Variants in TNS3 observed in about 807,000 individuals in gnomAD.
The protein encoded by TNS3 is tensin 3.
A neutral mutation model predicts 140.9 loss-of-function variants in TNS3; 45 were observed. The observed-to-expected ratio is 0.32, with a 90% CI of 0.25 to 0.41. The LOEUF is 0.41. Among genes scored for constraint, TNS3 ranks in the 10% least tolerant of loss-of-function variants. The probability of loss-of-function intolerance (pLI) is 1.00; values close to 1 mark genes in which losing one functional copy is unlikely to be tolerated. For synonymous variants in TNS3, 815 were observed against 788.4 expected (o/e 1.03, Z -0.56); for missense variants, 1,716 against 1,906.7 (o/e 0.90, Z 1.86).
chr7:47,502,520 G>A (rs962625354), intron 3 of TNS3, among the ~76,000 whole-genome samples: 9 of 152,214 alleles, frequency 5.9e-5, no homozygotes, highest in African/African-American at 2.2e-4. Flanking sequence ...TGCATCAGCC[G>A]CAGCCAGGAC....
intron 17 of TNS3, among the ~76,000 whole-genome samples, chr7:47,359,630 C>T (rs1005108437): frequency 6.6e-6 from 1 of 152,010 alleles, no homozygotes; most frequent in Non-Finnish European, 1.5e-5. Context: ...TACTGTGGGC[C>T]GGACCAAAGA....
At chr7:47,304,236 A>T (rs974199582) in intron 21 of TNS3, among the ~76,000 whole-genome samples, 3 of 152,182 alleles carry the variant, frequency 2.0e-5, no homozygotes, top group African/African-American at 7.2e-5. Flanking sequence ...GAAATTACCA[A>T]CCACTTACGA....
chr7:47,549,541 C>T (rs1800007380), intron 1 of TNS3, among the ~76,000 whole-genome samples: 1 of 152,072 alleles, frequency 6.6e-6, no homozygotes, highest in Admixed American at 6.5e-5. Context: ...GTGATCTAGC[C>T]CCTGCCTGTC....
intron 1 of TNS3, among the ~76,000 whole-genome samples, chr7:47,549,539 GC>G (rs1411521016): frequency 6.6e-6 from 1 of 152,036 alleles, no homozygotes; most frequent in African/African-American, 2.4e-5. Flanking sequence ...ATGTGATCTA[GC>G]CCCTGCCTGT....
intron 2 of TNS3, among the ~76,000 whole-genome samples, chr7:47,522,667 G>A (rs1364938841): frequency 2.0e-5 from 3 of 152,184 alleles, no homozygotes; most frequent in Non-Finnish European, 4.4e-5. Context: ...GGTGGCTCAC[G>A]CCTGTAATCC....
At chr7:47,331,492 A>C (rs1056554145) in intron 20 of TNS3, among the ~76,000 whole-genome samples, 3 of 152,068 alleles carry the variant, frequency 2.0e-5, no homozygotes, top group Non-Finnish European at 2.9e-5. Flanking sequence ...ACCCAATCTC[A>C]TGCTCCTCTG....
chr7:47,336,962 C>T (rs905059387), intron 20 of TNS3, among the ~76,000 whole-genome samples: 3 of 152,160 alleles, frequency 2.0e-5, no homozygotes, highest in Non-Finnish European at 4.4e-5. Flanking sequence ...CTTCCACGTC[C>T]AACCGTGGCA....
At chr7:47,492,145 C>A (rs1457384618) in intron 3 of TNS3, among the ~76,000 whole-genome samples, 1 of 152,212 alleles carries the variant, frequency 6.6e-6, no homozygotes, top group Non-Finnish European at 1.5e-5. Context: ...GCCAGTGACT[C>A]CTAATCCCAC....
In TNS3 at chr7:47,375,690, G is replaced by A. The variant is rs75086169; in HGVS notation, c.1025-6069C>T. ...TATATGAAAACATCCCTTCCATCCC[G>A]GTTGAAAACAGATTAGGCAATGCCC... On this transcript the variant is annotated intron_variant, in intron 16 of 30. Coordinates refer to ENST00000311160, the MANE Select transcript of TNS3 (RefSeq NM_022748.12). Among the ~76,000 whole-genome samples, 859 of 152,296 alleles carry A rather than the reference G, an allele frequency of 5.6e-3. 13 individuals are homozygous for A. The highest frequency in any genetic ancestry group is 0.02 in the African/African-American group (813 of 41,562).
intron 1 of TNS3, among the ~76,000 whole-genome samples, chr7:47,569,166 C>T (rs1030606870): frequency 6.6e-6 from 1 of 152,070 alleles, no homozygotes; most frequent in Non-Finnish European, 1.5e-5. Flanking sequence ...CAGCACAAAG[C>T]AAAAAGGGGG....
chr7:47,377,710 C>CCCTCCTCCCTTTCCTCCTCCTTTT (rs1791484905), intron 16 of TNS3, among the ~76,000 whole-genome samples: 1 of 113,866 alleles, frequency 8.8e-6, no homozygotes, highest in Admixed American at 1.0e-4. Flanking sequence ...CTCTTTTTCC[C>CCCTCCTCCCTTTCCTCCTCCTTTT]CCTCCTCCCT....
intron 4 of TNS3, among the ~76,000 whole-genome samples, chr7:47,445,683 C>G (rs190558894): frequency 6.6e-6 from 1 of 152,284 alleles, no homozygotes; most frequent in East Asian, 1.9e-4. Flanking sequence ...GGGGTTAAAT[C>G]TGGAACCAAG....
At position 47,441,993 on chromosome 7, in the gene TNS3, A is replaced by T; in HGVS notation, c.-23+10T>A. On this transcript the variant is annotated intron_variant, in intron 5 of 30. Transcript: ENST00000311160. ...AGACACAGGAATGCATGACCCACAC[A>T]GACACTCACCGCAGAGGTTTATCAC... 1 of 1,290,306 alleles carries T rather than the reference A, an allele frequency of 7.8e-7. No homozygotes were observed. Among genetic ancestry groups the T allele is most frequent in the African/African-American group, 1.5e-5 (1 of 65,986 alleles). The allele number at this position is 1,290,306 out of a possible 1,614,324, so 79.9% of individuals were successfully genotyped here. A position where few individuals can be genotyped will look rare whatever the true frequency, so the allele number is the denominator to read the frequency against.
chr7:47,559,650 C>T (rs559976832), intron 1 of TNS3, among the ~76,000 whole-genome samples: 1 of 152,184 alleles, frequency 6.6e-6, no homozygotes, highest in Non-Finnish European at 1.5e-5. Flanking sequence ...CCCTCCTGCT[C>T]TACATCTCTG....
At chr7:47,295,337 G>A (rs781593948) in intron 24 of TNS3, among the ~76,000 whole-genome samples, 2 of 152,156 alleles carry the variant, frequency 1.3e-5, no homozygotes, top group African/African-American at 2.4e-5. Context: ...ACACGGAAAC[G>A]AAGGAGCCAA....
chr7:47,549,124 G>A (rs1461496219), intron 1 of TNS3, among the ~76,000 whole-genome samples: 1 of 152,164 alleles, frequency 6.6e-6, no homozygotes, highest in Non-Finnish European at 1.5e-5. Flanking sequence ...TCTTAAGACA[G>A]GAATCAGGAC....
At chr7:47,439,385 G>A (rs1795346425) in intron 6 of TNS3, 102 bp downstream of exon 6, 1 of 1,330,810 alleles carries the variant, frequency 7.5e-7, no homozygotes, top group South Asian at 1.4e-5. Flanking sequence ...AGGCCCTTGA[G>A]CTTCTCCCTC....
chr7:47,532,658 C>T (rs964357921), intron 1 of TNS3, among the ~76,000 whole-genome samples: 2 of 152,176 alleles, frequency 1.3e-5, no homozygotes, highest in African/African-American at 4.8e-5. Context: ...CTTCACCCTT[C>T]CCCGTCTGCC....
At chr7:47,546,844 C>T (rs1799932851) in intron 1 of TNS3, among the ~76,000 whole-genome samples, 1 of 152,168 alleles carries the variant, frequency 6.6e-6, no homozygotes, top group Non-Finnish European at 1.5e-5. Context: ...TCAGTGTGTG[C>T]GCTCAGCACC....
Sources: allele counts gnomAD v4.1 joint callset (sites outside exome capture counted in the v4.1 genomes callset), GRCh38; gene constraint gnomAD v4.1.1; transcripts MANE v1.5; gene names NCBI Gene and HGNC (gene_info 2026-07-23, HGNC 2026-07-21).